Variants in CYP27A1 observed in about 807,000 individuals in gnomAD.
CYP27A1 encodes the protein sterol 26-hydroxylase, mitochondrial.
Under a neutral mutation model 58.2 loss-of-function variants are expected in CYP27A1, and 46 were observed. That is an observed-to-expected ratio of 0.79 (90% CI 0.62 to 1.01). CYP27A1 has a LOEUF of 1.01. CYP27A1 is among the 50% of genes least tolerant of loss of function. CYP27A1 has a pLI of 0.00. For synonymous variants in CYP27A1, 274 were observed against 285.1 expected, an observed-to-expected ratio of 0.96 and a Z score of 0.39; for missense variants, 704 against 687.0, an observed-to-expected ratio of 1.02 and a Z score of -0.28.
At chr2:218,804,299 CT>C (rs1299705264) in intron 1 of CYP27A1, among the ~76,000 whole-genome samples, 1 of 152,126 alleles carries the variant, frequency 6.6e-6, no homozygotes, top group Admixed American at 6.6e-5. Context: ...GTTGAAGAGA[CT>C]TTCTTTCCCC....
chr2:218,802,861 G>A (rs1178615235), intron 1 of CYP27A1, among the ~76,000 whole-genome samples: 5 of 152,126 alleles, frequency 3.3e-5, no homozygotes, highest in Non-Finnish European at 7.4e-5. Flanking sequence ...GACAAATGAT[G>A]TTGAACATCT....
intron 1 of CYP27A1, among the ~76,000 whole-genome samples, chr2:218,800,095 G>T (rs953782107): frequency 3.3e-5 from 5 of 152,104 alleles, no homozygotes; most frequent in African/African-American, 9.7e-5. Context: ...CAGCCAAGGG[G>T]TTTTATGTTC....
intron 1 of CYP27A1, among the ~76,000 whole-genome samples, 181 bp from the exon 2 acceptor site, chr2:218,809,396 C>T (rs945017150): frequency 6.6e-6 from 1 of 150,868 alleles, no homozygotes; most frequent in Admixed American, 6.6e-5. Context: ...TTTGCTCTTC[C>T]TCTGGAACAA....
At position 218,813,981 on chromosome 2, in the gene CYP27A1, T is replaced by C. The variant is rs1486082293; in HGVS notation, c.1018-40T>C. 4 of 1,613,330 alleles carry C rather than the reference T, an allele frequency of 2.5e-6. No individual in the cohort carries two copies. The East Asian group carries it at 8.9e-5, about 36-fold the overall frequency. On this transcript the variant is annotated intron_variant, in intron 5 of 8. Coordinates refer to ENST00000258415, the MANE Select transcript of CYP27A1 (RefSeq NM_000784.4). Reference sequence around the variant, plus strand: ...ACCCTCCCATTACTGGCCTCTTTCCTAGAAATCGCCCTCACCTGATCTCCC... The same window carrying C: ...ACCCTCCCATTACTGGCCTCTTTCCCAGAAATCGCCCTCACCTGATCTCCC...
chr2:218,808,297 T>A (rs1367458254), intron 1 of CYP27A1, among the ~76,000 whole-genome samples: 1 of 152,240 alleles, frequency 6.6e-6, no homozygotes, highest in African/African-American at 2.4e-5. Flanking sequence ...CACTGGCAGG[T>A]GTTCCTGGGA....
At chr2:218,802,137 A>C (rs1022428460) in intron 1 of CYP27A1, among the ~76,000 whole-genome samples, 4 of 152,088 alleles carry the variant, frequency 2.6e-5, no homozygotes, top group African/African-American at 9.7e-5. Context: ...CTAGGCTAAG[A>C]ACAATCGGAA....
At position 218,814,308 on chromosome 2, in the gene CYP27A1, A is replaced by G. The variant is rs1943758709; in HGVS notation, c.1185-72A>G. On this transcript the variant is annotated intron_variant, in intron 6 of 8. Transcript: ENST00000258415. ...GTGACAAGGATGAGATGGGAGAGGT[A>G]GGGGAGAAGGAGTGGGGCACTTTGT... is the stretch of plus-strand genomic sequence containing the variant. 8.8e-6 allele frequency: 14 copies of G among 1,594,726 alleles called. No individual in the cohort carries two copies. The South Asian group carries it at 8.8e-5, about 10-fold the overall frequency.
chr2:218,789,203 A>G (rs1396784002), intron 1 of CYP27A1, among the ~76,000 whole-genome samples: 1 of 152,258 alleles, frequency 6.6e-6, no homozygotes, highest in East Asian at 1.9e-4. Context: ...TAGGGGGCTA[A>G]TTAAATTATG....
chr2:218,809,315 C>G (rs1440541664), intron 1 of CYP27A1, among the ~76,000 whole-genome samples: 3 of 152,168 alleles, frequency 2.0e-5, no homozygotes, highest in African/African-American at 7.2e-5. Flanking sequence ...CTCCAAGGAC[C>G]TCAATGCCTC....
chr2:218,813,770 C>T lies in CYP27A1; in HGVS notation c.1018-251C>T, dbSNP rs114013731. ...TTATGGTTCCTATTTCCAGTGCTTTCATCCTGTTGGGTTTCTCTGTGTTGC... is the reference window on the plus strand; with the variant it reads ...TTATGGTTCCTATTTCCAGTGCTTTTATCCTGTTGGGTTTCTCTGTGTTGC... On this transcript the variant is annotated intron_variant, in intron 5 of 8. Transcript: ENST00000258415. Among the ~76,000 whole-genome samples the T allele has an allele frequency of 7.3e-3, 1,117 of 152,202 alleles. 15 individuals carry two copies. The highest frequency in any genetic ancestry group is 0.025 in the African/African-American group (1,019 of 41,530).
rs886042256 is a variant in CYP27A1, at chr2:218,812,554, A to C, written c.649A>C (p.Ile217Leu). 3.7e-6 allele frequency: 6 copies of C among 1,613,926 alleles called. No homozygotes were observed. Among genetic ancestry groups the C allele is most frequent in the Admixed American group, 3.3e-5 (2 of 59,996 alleles). Reference protein sequence around the residue: ...QLFYYFALEAICYILFEKRIG... With the variant: ...QLFYYFALEALCYILFEKRIG... ...GATGGCCTCTGTGCACTACTCAGCT[A>C]TTTGCTACATCCTGTTCGAGAAACG... Residue 217 changes from isoleucine (I) to leucine (L), a missense_variant and splice_region_variant, in exon 4 of 9, where the codon ATT becomes CTT. Transcript: ENST00000258415.
Position 218,782,353 on chromosome 2 carries a change from AGAG to A in CYP27A1, c.175_177del (p.Glu59del), listed in dbSNP as rs766316288. ...GTGTCCGGCGGCGGCAACGGAGCTT[AGAG>A]GAGATTCCACGTCTAGGACAGCTGC... On this transcript the variant is annotated inframe_deletion, in exon 1 of 9. Coordinates refer to ENST00000258415, the MANE Select transcript of CYP27A1 (RefSeq NM_000784.4). The surrounding 1 kb of genome is among the most constrained non-coding windows in gnomAD (Gnocchi z 4.1). 28 of 1,614,094 alleles carry A rather than the reference AGAG, an allele frequency of 1.7e-5. No individual in the cohort carries two copies. The East Asian group carries it at 6.0e-4, about 35-fold the overall frequency.
At chr2:218,791,560 G>A (rs866777773) in intron 1 of CYP27A1, among the ~76,000 whole-genome samples, 1 of 152,154 alleles carries the variant, frequency 6.6e-6, no homozygotes, top group Admixed American at 6.5e-5. Flanking sequence ...TCTACATCAA[G>A]GATACCGTCT....
Position 218,786,794 on chromosome 2 carries a change from C to CT in CYP27A1, c.255+4367dup, listed in dbSNP as rs909089978. 2.6e-3 allele frequency among the ~76,000 whole-genome samples: 386 copies of CT among 148,904 alleles called. 4 individuals are homozygous for CT. The highest frequency in any genetic ancestry group is 7.9e-3 in the African/African-American group (320 of 40,582). On this transcript the variant is annotated intron_variant, in intron 1 of 8. Coordinates refer to ENST00000258415, the MANE Select transcript of CYP27A1 (RefSeq NM_000784.4). ...ATTTTATGTTATCATATTTCTCTTT[C>CT]TTTTTTTTTTCTTTTTTTGAGACAG...
At chr2:218,800,093 G>A (rs1029244871) in intron 1 of CYP27A1, among the ~76,000 whole-genome samples, 3 of 152,094 alleles carry the variant, frequency 2.0e-5, no homozygotes, top group African/African-American at 7.2e-5. Flanking sequence ...CGCAGCCAAG[G>A]GGTTTTATGT....
chr2:218,784,896 A>C (rs952397622), intron 1 of CYP27A1, among the ~76,000 whole-genome samples: 1 of 152,224 alleles, frequency 6.6e-6, no homozygotes, highest in African/African-American at 2.4e-5. Context: ...AGATCCTTTA[A>C]GCCAGTGGTC....
At position 218,782,461 on chromosome 2, in the gene CYP27A1, C is replaced by T; in HGVS notation, c.255+24C>T. 2 of 1,614,004 alleles carry T rather than the reference C, an allele frequency of 1.2e-6. No individual in the cohort carries two copies. Among genetic ancestry groups the T allele is most frequent in the Non-Finnish European group, 1.7e-6 (2 of 1,179,964 alleles). On this transcript the variant is annotated intron_variant, in intron 1 of 8. Coordinates refer to ENST00000258415, the MANE Select transcript of CYP27A1 (RefSeq NM_000784.4). The surrounding 1 kb of genome is among the most constrained non-coding windows in gnomAD (Gnocchi z 4.1). ...AGGTAACCCGCGGGGGCATCGCGTC[C>T]TGGGGATGGGAGTGGGCACCGGAAC...
chr2:218,810,098 G>A (rs1054423588), intron 2 of CYP27A1, among the ~76,000 whole-genome samples: 1 of 152,056 alleles, frequency 6.6e-6, no homozygotes, highest in Non-Finnish European at 1.5e-5. Context: ...GGCCAACACG[G>A]TGAAACCCCG....
intron 1 of CYP27A1, among the ~76,000 whole-genome samples, chr2:218,808,484 A>T (rs2105978282): frequency 6.6e-6 from 1 of 152,330 alleles, no homozygotes; most frequent in South Asian, 2.1e-4. Context: ...CAAAACTAAG[A>T]TCCAGTAAAG....
Sources: gnomAD v4.1 joint callset for allele counts (sites outside exome capture counted in the v4.1 genomes callset) on GRCh38, gnomAD v4.1.1 for gene constraint, Gnocchi (gnomAD v3.1) non-coding constraint, MANE v1.5 for transcripts, NCBI Gene and HGNC (gene_info 2026-07-23, HGNC 2026-07-21) for gene names.